Variants in PIK3CD observed in about 807,000 individuals in gnomAD.
PIK3CD encodes phosphatidylinositol-4,5-bisphosphate 3-kinase catalytic subunit delta.
A neutral mutation model predicts 122.9 loss-of-function variants in PIK3CD; 20 were observed. That is an observed-to-expected ratio of 0.16 (90% CI 0.11 to 0.24). PIK3CD has a LOEUF of 0.24. PIK3CD is among the 10% of genes least tolerant of loss of function. The pLI, the probability that PIK3CD is intolerant of heterozygous loss-of-function variation, is 1.00. For missense variants in PIK3CD, 787 were observed against 1,406.3 expected, an observed-to-expected ratio of 0.56 and a Z score of 7.04; for synonymous variants, 596 against 593.4, an observed-to-expected ratio of 1.00 and a Z score of -0.06.
the PIK3CD span, among the ~76,000 whole-genome samples, chr1:9,628,170 C>G: frequency 1.3e-5 from 2 of 152,038 alleles, no homozygotes; most frequent in Non-Finnish European, 2.9e-5. Flanking sequence ...GGCGTGGTGG[C>G]GCATTCCTGT....
chr1:9,689,502 CGCCCCGCCTGCCAGTAGTCCCA>C lies in PIK3CD; in HGVS notation c.-137-1956_-137-1935del, dbSNP rs1646109167. ...GACGCCCCGCCCCCAGCCGGCGCCC[CGCCCCGCCTGCCAGTAGTCCCA>C]GCCCCGCCCCGGGCCGCGCCCCTCC... On this transcript the variant is annotated intron_variant, in intron 1 of 23. Coordinates refer to ENST00000377346, the MANE Select transcript of PIK3CD (RefSeq NM_005026.5). The surrounding 1 kb of genome is among the most constrained non-coding windows in gnomAD (Gnocchi z 6.1). Among the ~76,000 whole-genome samples the C allele has an allele frequency of 6.8e-6, 1 of 146,496 alleles. No homozygotes were observed. Among genetic ancestry groups the C allele is most frequent in the Admixed American group, 6.7e-5 (1 of 14,820 alleles).
intron 1 of PIK3CD, among the ~76,000 whole-genome samples, chr1:9,686,114 T>A (rs1276796845): frequency 6.6e-6 from 1 of 152,298 alleles, no homozygotes; most frequent in East Asian, 1.9e-4. Flanking sequence ...CAAATACTCT[T>A]CCATCTTCTA....
At chr1:9,677,145 G>A (rs940599009) in intron 1 of PIK3CD, among the ~76,000 whole-genome samples, 8 of 152,126 alleles carry the variant, frequency 5.3e-5, no homozygotes, top group African/African-American at 1.9e-4. Flanking sequence ...CCTGAGTGCC[G>A]AGTGCCTGGG....
chr1:9,681,251 T>C (rs931584937), intron 1 of PIK3CD: 1 of 152,106 alleles, frequency 6.6e-6, no homozygotes, highest in Non-Finnish European at 1.5e-5. Context: ...AATTAATTAA[T>C]TAATTTTAGA....
chr1:9,724,071 C>A lies in PIK3CD; in HGVS notation c.2697C>A (p.Ile899=). 1.2e-6 allele frequency: 2 copies of A among 1,614,206 alleles called. No homozygotes were observed. Among genetic ancestry groups the A allele is most frequent in the African/African-American group, 1.3e-5 (1 of 75,060 alleles). ...LGIGDRHSDN[I]MIRESGQLFH... ...TTGGCGATCGGCACAGCGACAACAT[C>A]ATGATCCGAGAGAGTGGGCAGGTAC... The change falls in exon 21 of 24, where the codon ATC becomes ATA. Residue 899 remains isoleucine (I), a synonymous_variant. Coordinates refer to ENST00000377346, the MANE Select transcript of PIK3CD (RefSeq NM_005026.5). This position sits in a 1 kb window ranked among gnomAD's most constrained non-coding sequence, Gnocchi z 7.3.
At chr1:9,702,579 G>A (rs1163361494) in intron 2 of PIK3CD, among the ~76,000 whole-genome samples, 1 of 130,526 alleles carries the variant, frequency 7.7e-6, no homozygotes, top group Non-Finnish European at 1.6e-5. Context: ...GGAGTGCAGT[G>A]GCGCCATCTC....
rs1646084067 is a variant in PIK3CD at position 9,689,045 on chromosome 1, G to C, written c.-137-2422G>C. ...AGCCAGCAGGCTGGATTTGAGCCCA[G>C]AGCCCGGGCTGGCCAATTACTCGAG... On this transcript the variant is annotated intron_variant, in intron 1 of 23. Transcript: ENST00000377346. This position sits in a 1 kb window ranked among gnomAD's most constrained non-coding sequence, Gnocchi z 6.1. Among the ~76,000 whole-genome samples the C allele has an allele frequency of 6.6e-6, 1 of 152,260 alleles. No homozygotes were observed. The highest frequency in any genetic ancestry group is 6.5e-5 in the Admixed American group (1 of 15,284).
chr1:9,665,967 C>T (rs569299705), intron 1 of PIK3CD, among the ~76,000 whole-genome samples: 1 of 152,272 alleles, frequency 6.6e-6, no homozygotes, highest in East Asian at 1.9e-4. Context: ...TGCTCTTTTG[C>T]CCAGGCTGGA....
chr1:9,724,139 C>A lies in PIK3CD; in HGVS notation c.2718+47C>A. 1.2e-6 allele frequency: 2 copies of A among 1,613,854 alleles called. No homozygotes were observed. The highest frequency in any genetic ancestry group is 1.7e-6 in the Non-Finnish European group (2 of 1,180,010). ...GCTGCTGTGGGGACTTGGCTTCTGG[C>A]CCCAGCCTGCTGGCCCCTCTGCCTA... On this transcript the variant is annotated intron_variant, in intron 21 of 23. Transcript: ENST00000377346. The surrounding 1 kb of genome is among the most constrained non-coding windows in gnomAD (Gnocchi z 7.3).
chr1:9,633,376 C>T, the PIK3CD span, among the ~76,000 whole-genome samples: 2 of 152,174 alleles, frequency 1.3e-5, no homozygotes, highest in South Asian at 2.1e-4. Flanking sequence ...GGCGCAGTCT[C>T]GGCTCACTGC....
intron 1 of PIK3CD, among the ~76,000 whole-genome samples, chr1:9,657,308 C>T (rs1259303545): frequency 6.6e-6 from 1 of 152,164 alleles, no homozygotes; most frequent in Non-Finnish European, 1.5e-5. Context: ...TGTCCAGGTC[C>T]TGGGGGTTAA....
At position 9,652,016 on chromosome 1, in the gene PIK3CD, G is replaced by T. The variant is rs562244046; in HGVS notation, c.-138+214G>T. Among the ~76,000 whole-genome samples the T allele has an allele frequency of 2.0e-5, 3 of 151,790 alleles. No homozygotes were observed. The highest frequency in any genetic ancestry group is 3.2e-3 in the Middle Eastern group (1 of 314). On this transcript the variant is annotated intron_variant, in intron 1 of 23. Coordinates refer to ENST00000377346, the MANE Select transcript of PIK3CD (RefSeq NM_005026.5). The surrounding 1 kb of genome is among the most constrained non-coding windows in gnomAD (Gnocchi z 6.2). ...GCCGGGCTGCTGGGACCTGGGCGGGGGCTGCCCTAGAGGCCCGGGGCCGTC... is the reference window on the plus strand; with the variant it reads ...GCCGGGCTGCTGGGACCTGGGCGGGTGCTGCCCTAGAGGCCCGGGGCCGTC...
chr1:9,668,165 C>T lies in PIK3CD; in HGVS notation c.-138+16363C>T, dbSNP rs536746709. Among the ~76,000 whole-genome samples the T allele has an allele frequency of 1.8e-4, 28 of 152,042 alleles. No homozygotes were observed. In the South Asian group the frequency reaches 2.9e-3, roughly 16 times the overall value. On this transcript the variant is annotated intron_variant, in intron 1 of 23. Transcript: ENST00000377346. ...TTAGTTGTCCAGTGAACCAACTCCC[C>T]GGGAGTTGGATTCATCTTGAAATTC...
intron 1 of PIK3CD, among the ~76,000 whole-genome samples, chr1:9,658,521 A>ATTTT (rs1165670404): frequency 0.019 from 1,702 of 91,098 alleles, 64 homozygotes; most frequent in Non-Finnish European, 0.024. Flanking sequence ...TCCCAGCCAC[A>ATTTT]TTTTTTTTTT....
In PIK3CD at chr1:9,722,013, C is replaced by G. The variant is rs370548772; in HGVS notation, c.2094C>G (p.Phe698Leu). 1.2e-5 allele frequency: 20 copies of G among 1,613,738 alleles called. No homozygotes were observed. Among genetic ancestry groups the G allele is most frequent in the Non-Finnish European group, 1.7e-5 (20 of 1,180,030 alleles). Residue 698 changes from phenylalanine to leucine, a missense_variant, in exon 17 of 24, where the codon TTC (phenylalanine) becomes TTG (leucine). Around this residue, in one of 6 missense-constraint regions of PIK3CD, gnomAD observed 48 missense variants for 71.9 expected, o/e 0.67. Transcript: ENST00000377346. The surrounding 1 kb of genome is among the most constrained non-coding windows in gnomAD (Gnocchi z 7.6). ...GCAAACTGAAGGCCCTGAATGACTT[C>G]GTCAAGCTGAGCTCTCAGAAGACCC... ...ALSKLKALND[F>L]VKLSSQKTPK...
chr1:9,640,166 C>A, the PIK3CD span, among the ~76,000 whole-genome samples: 1,090 of 152,130 alleles, frequency 7.2e-3, 24 homozygotes, highest in Admixed American at 0.046. Flanking sequence ...GGAAGCACTT[C>A]TTTTCTTTCT....
At chr1:9,707,515 C>G (rs527294014) in intron 2 of PIK3CD, among the ~76,000 whole-genome samples, 16 of 152,122 alleles carry the variant, frequency 1.1e-4, no homozygotes, top group African/African-American at 3.9e-4. Flanking sequence ...TCTCCCGACT[C>G]CCACCCTCCA....
At chr1:9,629,054 T>A in the PIK3CD span, among the ~76,000 whole-genome samples, 12 of 151,866 alleles carry the variant, frequency 7.9e-5, no homozygotes, top group Admixed American at 6.6e-5. Context: ...GCGGGTTCTC[T>A]CCCCACTGTC....
chr1:9,668,345 A>T (rs1645224924), intron 1 of PIK3CD, among the ~76,000 whole-genome samples: 1 of 151,554 alleles, frequency 6.6e-6, no homozygotes. Context: ...TAATGGGCCC[A>T]TTCCTAGGTT....
Sources: gnomAD v4.1 joint callset for allele counts (sites outside exome capture counted in the v4.1 genomes callset) on GRCh38, gnomAD v4.1.1 for gene constraint, gnomAD v4.1.1 regional missense constraint, Gnocchi (gnomAD v3.1) non-coding constraint, MANE v1.5 for transcripts, NCBI Gene and HGNC (gene_info 2026-07-23, HGNC 2026-07-21) for gene names.